Variants in ST8SIA4 observed in about 807,000 individuals in gnomAD.
ST8SIA4 encodes the protein ST8 alpha-N-acetyl-neuraminide alpha-2,8-sialyltransferase 4.
A neutral mutation model predicts 33.9 loss-of-function variants in ST8SIA4; 15 were observed. The ratio of observed to expected loss-of-function variants is 0.44; its 90% CI spans 0.30 to 0.68. ST8SIA4 has a LOEUF of 0.68. Ranked by LOEUF, ST8SIA4 falls within the 30% of genes least tolerant of loss-of-function variation. ST8SIA4 has a pLI of 0.10. For missense variants in ST8SIA4, 321 were observed against 428.0 expected (o/e 0.75, Z 2.21); for synonymous variants, 171 against 151.2 (o/e 1.13, Z -0.96).
intron 4 of ST8SIA4, among the ~76,000 whole-genome samples, chr5:100,848,176 A>G (rs1414731429): frequency 6.6e-6 from 1 of 151,900 alleles, no homozygotes; most frequent in East Asian, 1.9e-4. Context: ...GATATTTACT[A>G]TACATTAAGC....
intron 4 of ST8SIA4, among the ~76,000 whole-genome samples, chr5:100,850,710 C>A (rs549535853): frequency 6.6e-6 from 1 of 151,644 alleles, no homozygotes; most frequent in East Asian, 1.9e-4. Context: ...CCATCCATAC[C>A]TCTGTGTTTA....
intron 4 of ST8SIA4, among the ~76,000 whole-genome samples, chr5:100,817,197 G>T (rs1388147052): frequency 7.9e-6 from 1 of 127,152 alleles, no homozygotes; most frequent in Non-Finnish European, 1.5e-5. Flanking sequence ...TCAAACTCCT[G>T]ATCTCGTGAT....
At position 100,902,863 on chromosome 5, in the gene ST8SIA4, G is replaced by T; in HGVS notation, c.93C>A (p.His31Gln). The change falls in exon 1 of 5, where the codon CAC becomes CAA. Residue 31 changes from histidine to glutamine, a missense_variant. By Grantham distance (24) the His-to-Gln change is conservative. Transcript: ENST00000231461. ...TTTACCCGATGAGTTGCGTCTCCTG[G>T]TGCTCCTCAGTTCTTGCTATTTCTT... ...KTKEIARTEE[H>Q]QETQLIGDGE... 1 of 1,614,002 alleles carries T rather than the reference G, an allele frequency of 6.2e-7. No homozygotes were observed. The highest frequency in any genetic ancestry group is 8.5e-7 in the Non-Finnish European group (1 of 1,179,904).
chr5:100,895,652 A>T lies in ST8SIA4; in HGVS notation c.245+2T>A. On this transcript the variant is annotated splice_donor_variant, in intron 2 of 4. Transcript: ENST00000231461. LOFTEE classifies it high-confidence loss of function. ...TTATTATGCCTTAGTAAAGAAACTC[A>T]CCTTATCTCTAGGACCAAAGAGGAA... 1 of 1,607,178 alleles carries T rather than the reference A, an allele frequency of 6.2e-7. No homozygotes were observed. The highest frequency in any genetic ancestry group is 8.5e-7 in the Non-Finnish European group (1 of 1,177,018).
At chr5:100,816,045 A>G (rs945263220) in intron 4 of ST8SIA4, among the ~76,000 whole-genome samples, 1 of 152,188 alleles carries the variant, frequency 6.6e-6, no homozygotes, top group African/African-American at 2.4e-5. Flanking sequence ...ACCTCAATGG[A>G]CATGTTTCCT....
At chr5:100,884,850 A>T (rs146265307) in intron 3 of ST8SIA4, among the ~76,000 whole-genome samples, 92 of 152,318 alleles carry the variant, frequency 6.0e-4, no homozygotes, top group Non-Finnish European at 1.2e-3. Context: ...AGGTGGGGCT[A>T]AATCTAACAA....
intron 4 of ST8SIA4, among the ~76,000 whole-genome samples, chr5:100,813,730 T>C (rs1463608007): frequency 6.6e-6 from 1 of 151,964 alleles, no homozygotes; most frequent in Admixed American, 6.6e-5. Context: ...GAAATAATGA[T>C]TATAAGAAAG....
intron 3 of ST8SIA4, among the ~76,000 whole-genome samples, chr5:100,866,251 A>G (rs1432548790): frequency 6.6e-6 from 1 of 152,150 alleles, no homozygotes; most frequent in South Asian, 2.1e-4. Context: ...TTCCTTAAAC[A>G]TATCTATTTT....
Position 100,900,810 on chromosome 5 carries a change from C to T in ST8SIA4, c.113+2033G>A, listed in dbSNP as rs567891793. Among the ~76,000 whole-genome samples, 20 of 152,180 alleles carry T rather than the reference C, an allele frequency of 1.3e-4. No homozygotes were observed. The South Asian group carries it at 3.3e-3, about 25-fold the overall frequency. ...GGAAGGAGGGGAGGGACCAAAAGAGCCTGAGTCCTGCAATAAAGGTTTCCC... is the reference window on the plus strand; with the variant it reads ...GGAAGGAGGGGAGGGACCAAAAGAGTCTGAGTCCTGCAATAAAGGTTTCCC... On this transcript the variant is annotated intron_variant, in intron 1 of 4. Coordinates refer to ENST00000231461, the MANE Select transcript of ST8SIA4 (RefSeq NM_005668.6).
intron 2 of ST8SIA4, among the ~76,000 whole-genome samples, chr5:100,889,437 C>T (rs1752612044): frequency 6.6e-6 from 1 of 151,890 alleles, no homozygotes; most frequent in Non-Finnish European, 1.5e-5. Flanking sequence ...TGTTTGCAAG[C>T]TGCAGTGAGT....
intron 3 of ST8SIA4, among the ~76,000 whole-genome samples, chr5:100,873,510 T>C (rs1580475284): frequency 6.6e-6 from 1 of 152,142 alleles, no homozygotes; most frequent in Non-Finnish European, 1.5e-5. Context: ...TAAGGAGTGG[T>C]ATTTGATGGT....
At chr5:100,819,989 C>A (rs796222263) in intron 4 of ST8SIA4, among the ~76,000 whole-genome samples, 2 of 152,248 alleles carry the variant, frequency 1.3e-5, no homozygotes, top group African/African-American at 4.8e-5. Flanking sequence ...ACAGAGCATT[C>A]TCATGACTTG....
intron 1 of ST8SIA4, among the ~76,000 whole-genome samples, chr5:100,902,431 C>T (rs1752940449): frequency 6.6e-6 from 1 of 152,038 alleles, no homozygotes; most frequent in Non-Finnish European, 1.5e-5. Context: ...TTAACTTCAG[C>T]CCTTCGAGAA....
At chr5:100,859,243 A>T (rs1751881054) in intron 3 of ST8SIA4, among the ~76,000 whole-genome samples, 1 of 152,096 alleles carries the variant, frequency 6.6e-6, no homozygotes, top group South Asian at 2.1e-4. Flanking sequence ...CTTTATAAAA[A>T]ATTCCTTAGA....
At chr5:100,823,738 T>C (rs1184302869) in intron 4 of ST8SIA4, among the ~76,000 whole-genome samples, 1 of 152,244 alleles carries the variant, frequency 6.6e-6, no homozygotes, top group African/African-American at 2.4e-5. Context: ...ACTGATCATG[T>C]GGTGTCAATC....
intron 4 of ST8SIA4, among the ~76,000 whole-genome samples, chr5:100,855,372 T>C (rs961232653): frequency 1.3e-5 from 2 of 152,182 alleles, no homozygotes; most frequent in African/African-American, 2.4e-5. Context: ...ATAAAGCCTA[T>C]GCATTTTTTA....
intron 3 of ST8SIA4, among the ~76,000 whole-genome samples, chr5:100,862,756 C>G (rs760254284): frequency 1.3e-5 from 2 of 152,164 alleles, no homozygotes; most frequent in African/African-American, 2.4e-5. Flanking sequence ...CTGTGCTTTG[C>G]ATGTAATATA....
chr5:100,836,606 C>T (rs1751365944), intron 4 of ST8SIA4, among the ~76,000 whole-genome samples: 1 of 152,018 alleles, frequency 6.6e-6, no homozygotes, highest in Non-Finnish European at 1.5e-5. Flanking sequence ...TTTCACTTTT[C>T]TACAGCAAAT....
intron 4 of ST8SIA4, among the ~76,000 whole-genome samples, chr5:100,836,873 G>A (rs1258623453): frequency 1.3e-5 from 2 of 152,078 alleles, no homozygotes; most frequent in African/African-American, 4.8e-5. Context: ...ACGTTAAAAT[G>A]TAATACTTTG....
Sources: allele counts gnomAD v4.1 joint callset (sites outside exome capture counted in the v4.1 genomes callset), GRCh38; gene constraint gnomAD v4.1.1; transcripts MANE v1.5; gene names NCBI Gene and HGNC (gene_info 2026-07-23, HGNC 2026-07-21).